Variants in FGFR2 observed in about 807,000 individuals in gnomAD.
FGFR2 encodes the protein BEK fibroblast growth factor receptor.
In FGFR2, 19 loss-of-function variants were observed where a neutral mutation model predicts 95.9. The observed-to-expected ratio is 0.20, with a 90% CI of 0.14 to 0.29. The LOEUF (loss-of-function observed/expected upper bound fraction) is 0.29, where lower values mean the gene tolerates loss of function less well. FGFR2 is among the 10% of genes least tolerant of loss of function. The probability of loss-of-function intolerance (pLI) is 1.00; values close to 1 mark genes in which losing one functional copy is unlikely to be tolerated. For missense variants in FGFR2, 707 were observed against 1,056.9 expected, an observed-to-expected ratio of 0.67 and a Z score of 4.59; for synonymous variants, 392 against 393.3, an observed-to-expected ratio of 1.00 and a Z score of 0.04.
intron 9 of FGFR2, 152 bp from the exon 10 acceptor site, chr10:121,504,093 C>G: frequency 2.4e-6 from 2 of 824,422 alleles, no homozygotes; most frequent in Non-Finnish European, 4.0e-6. Context: ...CCACTGGAAT[C>G]TAACTCCTCT....
At position 121,565,616 on chromosome 10, in the gene FGFR2, A is replaced by G. The variant is rs921045407; in HGVS notation, c.198T>C (p.Asp66=). The G allele has an allele frequency of 1.2e-6, 2 of 1,614,228 alleles. No individual in the cohort carries two copies. Among genetic ancestry groups the G allele is most frequent in the Non-Finnish European group, 1.7e-6 (2 of 1,180,030 alleles). Residue 66 remains aspartate (D), a synonymous_variant, in exon 3 of 18, where the codon GAT becomes GAC. Transcript: ENST00000358487. ...CCTTAGTCCAACTGATCACGGCGGC[A>G]TCTTTCAACAGGCAGCGCACCTCTA... ...ESLEVRCLLK[D]AAVISWTKDG...
intron 2 of FGFR2, among the ~76,000 whole-genome samples, chr10:121,575,899 T>C (rs895827109): frequency 1.4e-5 from 2 of 144,944 alleles, no homozygotes; most frequent in African/African-American, 5.1e-5. Flanking sequence ...TTTAAAAAAA[T>C]AAAAGGCCGG....
chr10:121,558,994 T>A (rs573101940), intron 4 of FGFR2, among the ~76,000 whole-genome samples: 2 of 152,080 alleles, frequency 1.3e-5, no homozygotes, highest in African/African-American at 4.8e-5. Flanking sequence ...TGCCTTCTTA[T>A]GTTAACCAAC....
chr10:121,538,975 A>G (rs1042289755), intron 5 of FGFR2, among the ~76,000 whole-genome samples: 2 of 152,238 alleles, frequency 1.3e-5, no homozygotes, highest in Admixed American at 6.5e-5. Flanking sequence ...GTCTGTTACC[A>G]TAATGGATTT....
At chr10:121,481,985 A>C (rs2133730470) in intron 17 of FGFR2, 1 of 471,292 alleles carries the variant, frequency 2.1e-6, no homozygotes, top group South Asian at 2.7e-5. Flanking sequence ...TTACAGGTGC[A>C]CACCAACACG....
intron 2 of FGFR2, among the ~76,000 whole-genome samples, chr10:121,577,621 C>G (rs1860132804): frequency 6.6e-6 from 1 of 152,122 alleles, no homozygotes; most frequent in Non-Finnish European, 1.5e-5. Context: ...TAGGAAATTT[C>G]TCCTTCCCTG....
rs569715924 is a variant in FGFR2 at position 121,517,198 on chromosome 10, C to G, written c.1084+121G>C. On this transcript the variant is annotated intron_variant, in intron 8 of 17. Coordinates refer to ENST00000358487, the MANE Select transcript of FGFR2 (RefSeq NM_000141.5). This position sits in a 1 kb window ranked among gnomAD's most constrained non-coding sequence, Gnocchi z 4.7. ...CTTATCCCTGAGGGATCATTTTTAACATTTTTTATATCTTTATGCAAGGAT... is the reference window on the plus strand; with the variant it reads ...CTTATCCCTGAGGGATCATTTTTAAGATTTTTTATATCTTTATGCAAGGAT... The G allele has an allele frequency of 7.9e-6, 9 of 1,145,314 alleles. No individual in the cohort carries two copies. In the Admixed American group the frequency reaches 1.5e-4, roughly 19 times the overall value. 70.9% of individuals were successfully genotyped at this position (1,145,314 alleles called of 1,614,324 possible).
chr10:121,578,362 G>A (rs547141975), intron 2 of FGFR2, among the ~76,000 whole-genome samples: 1 of 152,216 alleles, frequency 6.6e-6, no homozygotes, highest in Non-Finnish European at 1.5e-5. Flanking sequence ...TGCCTGGCAG[G>A]CTCCTATTCA....
chr10:121,493,426 C>T (rs112959680), intron 13 of FGFR2, among the ~76,000 whole-genome samples: 128 of 152,278 alleles, frequency 8.4e-4, no homozygotes, highest in African/African-American at 2.2e-3. Context: ...ACCACTGCCT[C>T]TAGGACCAGG....
rs888911581 is a variant in FGFR2 at position 121,562,284 on chromosome 10, G to T, written c.454+2218C>A. On this transcript the variant is annotated intron_variant, in intron 4 of 17. Transcript: ENST00000358487. ...TCAAAACTTGGAAGCAACAGAGTTT[G>T]TTTTTTTTTTTTTTGAGATGGAGTC... Among the ~76,000 whole-genome samples the T allele has an allele frequency of 4.2e-3, 591 of 142,278 alleles. 3 individuals carry two copies. The highest frequency in any genetic ancestry group is 0.014 in the African/African-American group (554 of 39,158). 93.3% of individuals were successfully genotyped at this position (142,278 alleles called of 152,430 possible).
chr10:121,519,887 C>T, intron 7 of FGFR2, 92 bp downstream of exon 7: 1 of 1,232,626 alleles, frequency 8.1e-7, no homozygotes, highest in Non-Finnish European at 1.2e-6. Context: ...GAATCATCCT[C>T]TCTCAACTCC....
chr10:121,481,137 C>T (rs1441356025), intron 17 of FGFR2, among the ~76,000 whole-genome samples: 3 of 151,708 alleles, frequency 2.0e-5, no homozygotes, highest in Non-Finnish European at 2.9e-5. Flanking sequence ...ACTCCCTGGC[C>T]CTTTACAGAA....
At chr10:121,558,490 G>A (rs1856495497) in intron 4 of FGFR2, among the ~76,000 whole-genome samples, 1 of 152,148 alleles carries the variant, frequency 6.6e-6, no homozygotes, top group Non-Finnish European at 1.5e-5. Flanking sequence ...GCTAAAATAT[G>A]ACCAGAGAAT....
intron 13 of FGFR2, among the ~76,000 whole-genome samples, chr10:121,492,605 G>A (rs1329249529): frequency 6.6e-6 from 1 of 152,242 alleles, no homozygotes; most frequent in Non-Finnish European, 1.5e-5. Context: ...GAGGGGATGG[G>A]TGTGGGAAAG....
chr10:121,512,838 A>G (rs1325289772), intron 9 of FGFR2, among the ~76,000 whole-genome samples: 1 of 152,218 alleles, frequency 6.6e-6, no homozygotes, highest in East Asian at 1.9e-4. Flanking sequence ...AACACAGGGA[A>G]GAGAGGAAAA....
Position 121,518,976 on chromosome 10 carries a change from ATCAG to A in FGFR2, c.939+999_939+1002del, listed in dbSNP as rs1850109402. 2.1e-6 allele frequency: 2 copies of A among 967,224 alleles called. No homozygotes were observed. The highest frequency in any genetic ancestry group is 5.2e-5 in the East Asian group (2 of 38,658). 59.9% of individuals were successfully genotyped at this position (967,224 alleles called of 1,614,324 possible). On this transcript the variant is annotated intron_variant, in intron 7 of 17. Coordinates refer to ENST00000358487, the MANE Select transcript of FGFR2 (RefSeq NM_000141.5). The surrounding 1 kb of genome is among the most constrained non-coding windows in gnomAD (Gnocchi z 4.0). ...AGGGCTGCGGATTTTAAAGAACAAA[ATCAG>A]TCCAGTGGTGGACAACGGAAAGACC...
chr10:121,582,484 T>G (rs1436635507), intron 2 of FGFR2, among the ~76,000 whole-genome samples: 1 of 152,096 alleles, frequency 6.6e-6, no homozygotes, highest in African/African-American at 2.4e-5. Flanking sequence ...AGAGGGAAAT[T>G]TGCAGCATCT....
intron 13 of FGFR2, among the ~76,000 whole-genome samples, chr10:121,489,486 T>C (rs1483664739): frequency 6.6e-6 from 1 of 152,180 alleles, no homozygotes; most frequent in East Asian, 1.9e-4. Flanking sequence ...AATAGAGGAA[T>C]TGTTCCATTA....
At chr10:121,535,178 C>T (rs72832370) in intron 6 of FGFR2, among the ~76,000 whole-genome samples, 13,736 of 152,102 alleles carry the variant, frequency 0.09, 713 homozygotes, top group Admixed American at 0.13. Context: ...GGGAGAGGGG[C>T]GTGGAACTTG....
Sources: gnomAD v4.1 joint callset for allele counts (sites outside exome capture counted in the v4.1 genomes callset) on GRCh38, gnomAD v4.1.1 for gene constraint, Gnocchi (gnomAD v3.1) non-coding constraint, MANE v1.5 for transcripts, NCBI Gene and HGNC (gene_info 2026-07-23, HGNC 2026-07-21) for gene names.